The following SLC25A25 variants were observed in gnomAD, a reference collection of about 807,000 sequenced individuals.
SLC25A25 encodes solute carrier family 25 member 25, also known as mitochondrial adenyl nucleotide antiporter SLC25A25.
A neutral mutation model predicts 57.7 loss-of-function variants in SLC25A25; 32 were observed. That is an observed-to-expected ratio of 0.55 (90% confidence interval 0.42 to 0.74). The LOEUF (loss-of-function observed/expected upper bound fraction) is 0.74. Among genes scored for constraint, SLC25A25 ranks in the 30% least tolerant of loss-of-function variants. The pLI is 0.00. For missense variants in SLC25A25, 556 were observed against 701.3 expected, an observed-to-expected ratio of 0.79 and a Z score of 2.34; for synonymous variants, 306 against 291.2, an observed-to-expected ratio of 1.05 and a Z score of -0.52.
At position 128,101,546 on chromosome 9, in the gene SLC25A25, G is replaced by A; in HGVS notation, c.476+150G>A. 3.7e-6 allele frequency: 3 copies of A among 812,526 alleles called. No homozygotes were observed. 50.3% of individuals were successfully genotyped at this position (812,526 alleles called of 1,614,324 possible). A position where few individuals can be genotyped will look rare whatever the true frequency, so the allele number is the denominator to read the frequency against. On this transcript the variant is annotated intron_variant, in intron 3 of 10. Coordinates refer to ENST00000373069, the MANE Select transcript of SLC25A25 (RefSeq NM_001330988.2). The surrounding 1 kb of genome is among the most constrained non-coding windows in gnomAD (Gnocchi z 4.9). ...AATAAGTAACCCCTGTGGGAGGCCAGCCCCTCCCCAGGGTTGCAGGCCTGC... is the reference window on the plus strand; with the variant it reads ...AATAAGTAACCCCTGTGGGAGGCCAACCCCTCCCCAGGGTTGCAGGCCTGC...
In SLC25A25 at chr9:128,099,978, G is replaced by T. The variant is rs2130814867; in HGVS notation, c.262-1118G>T. On this transcript the variant is annotated intron_variant, in intron 1 of 10. Coordinates refer to ENST00000373069, the MANE Select transcript of SLC25A25 (RefSeq NM_001330988.2). The surrounding 1 kb of genome is among the most constrained non-coding windows in gnomAD (Gnocchi z 6.8). ...GGATTCAGGGCGTTGCTGAGTTGGG[G>T]TGACTCACTTTCATCCCCCATGTTC... Among the ~76,000 whole-genome samples the T allele has an allele frequency of 6.6e-6, 1 of 152,264 alleles. No individual in the cohort carries two copies. Among genetic ancestry groups the T allele is most frequent in the Admixed American group, 6.5e-5 (1 of 15,288 alleles).
At chr9:128,079,287 C>T (rs1219949086) in intron 1 of SLC25A25, among the ~76,000 whole-genome samples, 1 of 151,948 alleles carries the variant, frequency 6.6e-6, no homozygotes, top group Non-Finnish European at 1.5e-5. Context: ...GGCTCCATAC[C>T]TTTCCTCCTG....
chr9:128,104,956 A>G (rs1331849057), intron 6 of SLC25A25, among the ~76,000 whole-genome samples: 2 of 150,874 alleles, frequency 1.3e-5, no homozygotes, highest in Admixed American at 6.6e-5. Flanking sequence ...ACTGGGTTCA[A>G]GCAATTCTAC....
chr9:128,088,744 C>T (rs914038929), intron 1 of SLC25A25, among the ~76,000 whole-genome samples: 9 of 152,088 alleles, frequency 5.9e-5, no homozygotes, highest in Non-Finnish European at 1.0e-4. Context: ...CTATCTTTGC[C>T]GGAAGCCCTT....
intron 1 of SLC25A25, among the ~76,000 whole-genome samples, chr9:128,088,027 T>C (rs1833315849): frequency 6.6e-6 from 1 of 152,262 alleles, no homozygotes; most frequent in Admixed American, 6.5e-5. Flanking sequence ...TCTGTCCTCA[T>C]TATGGGTCAC....
intron 1 of SLC25A25, among the ~76,000 whole-genome samples, chr9:128,075,775 C>T (rs1391306453): frequency 1.3e-5 from 2 of 151,982 alleles, no homozygotes; most frequent in Non-Finnish European, 2.9e-5. Context: ...ATCCAGGAGG[C>T]GGAGGTTGCA....
rs757971886 is a variant in SLC25A25, at chr9:128,108,195, C to A, written c.*751C>A. Reference sequence around the variant, plus strand: ...TGTCAGGATGGGCCCCACCTCAGAACCAAACTCACTGTCCCCACTGTGGCA... The same window carrying A: ...TGTCAGGATGGGCCCCACCTCAGAAACAAACTCACTGTCCCCACTGTGGCA... On this transcript the variant is annotated 3_prime_UTR_variant, in exon 11 of 11. Coordinates refer to ENST00000373069, the MANE Select transcript of SLC25A25 (RefSeq NM_001330988.2). 2.5e-6 allele frequency: 1 copy of A among 399,100 alleles called. No homozygotes were observed. The highest frequency in any genetic ancestry group is 4.4e-6 in the Non-Finnish European group (1 of 226,166). 24.7% of individuals were successfully genotyped at this position (399,100 alleles called of 1,614,324 possible).
intron 1 of SLC25A25, among the ~76,000 whole-genome samples, chr9:128,071,363 G>A (rs1257039651): frequency 6.6e-6 from 1 of 151,920 alleles, no homozygotes; most frequent in Admixed American, 6.6e-5. Flanking sequence ...TTATTCTTTT[G>A]GTGTGTGGGT....
chr9:128,083,386 A>G (rs536971481), intron 1 of SLC25A25, among the ~76,000 whole-genome samples: 12 of 152,218 alleles, frequency 7.9e-5, no homozygotes, highest in Admixed American at 7.2e-4. Context: ...CATCAAATCA[A>G]TCAGCCTAAT....
intron 1 of SLC25A25, among the ~76,000 whole-genome samples, chr9:128,081,772 T>A (rs1049761638): frequency 2.0e-5 from 3 of 151,970 alleles, no homozygotes; most frequent in African/African-American, 4.8e-5. Context: ...CTACAAAAAA[T>A]TTTAAAAAAT....
rs767298779 is a variant in SLC25A25, at chr9:128,099,409, T to C, written c.262-1687T>C. ...CGGTGAGCACACCCTCTGCTCTGGGTGTCTGCGACAGCACCCACCCCAGGG... is the reference window on the plus strand; with the variant it reads ...CGGTGAGCACACCCTCTGCTCTGGGCGTCTGCGACAGCACCCACCCCAGGG... On this transcript the variant is annotated intron_variant, in intron 1 of 10. Coordinates refer to ENST00000373069, the MANE Select transcript of SLC25A25 (RefSeq NM_001330988.2). The surrounding 1 kb of genome is among the most constrained non-coding windows in gnomAD (Gnocchi z 6.8). The C allele has an allele frequency of 2.0e-4, 232 of 1,149,446 alleles. 3 individuals carry two copies. The highest frequency in any genetic ancestry group is 3.4e-4 in the Admixed American group (8 of 23,562). The allele number at this position is 1,149,446 out of a possible 1,614,324, so 71.2% of individuals were successfully genotyped here. A position where few individuals can be genotyped will look rare whatever the true frequency, so the allele number is the denominator to read the frequency against.
intron 1 of SLC25A25, among the ~76,000 whole-genome samples, chr9:128,089,708 C>A (rs1376889250): frequency 6.6e-6 from 1 of 150,660 alleles, no homozygotes; most frequent in Non-Finnish European, 1.5e-5. Flanking sequence ...TGATGGCTCA[C>A]TGCAGCCTTG....
rs2130831846 is a variant in SLC25A25 at position 128,107,710 on chromosome 9, A to G, written c.*266A>G. The G allele has an allele frequency of 2.4e-6, 1 of 418,578 alleles. No individual in the cohort carries two copies. The highest frequency in any genetic ancestry group is 4.2e-6 in the Non-Finnish European group (1 of 237,674). 25.9% of individuals were successfully genotyped at this position (418,578 alleles called of 1,614,324 possible). ...AGCAGGCTCCGGGCTCACATGTGTAAGGACAGGACATTTTCTGCAGTGCCT... is the reference window on the plus strand; with the variant it reads ...AGCAGGCTCCGGGCTCACATGTGTAGGGACAGGACATTTTCTGCAGTGCCT... On this transcript the variant is annotated 3_prime_UTR_variant, in exon 11 of 11. Transcript: ENST00000373069.
Position 128,108,935 on chromosome 9 carries a change from G to A in SLC25A25, c.*1491G>A, listed in dbSNP as rs1391720417. On this transcript the variant is annotated 3_prime_UTR_variant, in exon 11 of 11. Transcript: ENST00000373069. Reference sequence around the variant, plus strand: ...ATTTCACTCTTTTCTGAATGTCAAGGCAGTGAGGTGCCTCTCACTGTGAAT... The same window carrying A: ...ATTTCACTCTTTTCTGAATGTCAAGACAGTGAGGTGCCTCTCACTGTGAAT... The A allele has an allele frequency of 6.6e-6, 1 of 151,960 alleles. No individual in the cohort carries two copies. The highest frequency in any genetic ancestry group is 1.5e-5 in the Non-Finnish European group (1 of 67,984). The allele number at this position is 151,960 out of a possible 1,614,324, so 9.4% of individuals were successfully genotyped here.
chr9:128,087,339 G>A (rs1181298310), intron 1 of SLC25A25, among the ~76,000 whole-genome samples: 4 of 152,084 alleles, frequency 2.6e-5, no homozygotes, highest in African/African-American at 9.7e-5. Context: ...TCGGCTTACT[G>A]CAACCTCCGC....
intron 1 of SLC25A25, among the ~76,000 whole-genome samples, chr9:128,083,877 G>A (rs958808752): frequency 1.3e-5 from 2 of 152,114 alleles, no homozygotes; most frequent in African/African-American, 2.4e-5. Flanking sequence ...ATGAGACCTG[G>A]AGATTGCCGT....
intron 1 of SLC25A25, chr9:128,094,170 T>C (rs1833494534): frequency 6.6e-6 from 1 of 152,158 alleles, no homozygotes; most frequent in Non-Finnish European, 1.5e-5. Context: ...AAAAGTTCAC[T>C]TTGGTTCTCG....
At chr9:128,073,386 C>T (rs913472730) in intron 1 of SLC25A25, among the ~76,000 whole-genome samples, 5 of 152,182 alleles carry the variant, frequency 3.3e-5, no homozygotes, top group African/African-American at 1.2e-4. Flanking sequence ...CATTTCTCTC[C>T]CTGACCCGAG....
intron 1 of SLC25A25, among the ~76,000 whole-genome samples, chr9:128,086,410 C>G (rs954839509): frequency 6.6e-6 from 1 of 151,134 alleles, no homozygotes; most frequent in Admixed American, 6.6e-5. Context: ...CTCAGCGCAC[C>G]GCAACCTCCA....
Sources: gnomAD v4.1 joint callset for allele counts (sites outside exome capture counted in the v4.1 genomes callset) on GRCh38, gnomAD v4.1.1 for gene constraint, Gnocchi (gnomAD v3.1) non-coding constraint, MANE v1.5 for transcripts, NCBI Gene and HGNC (gene_info 2026-07-23, HGNC 2026-07-21) for gene names.